DYRK4: variants seen among roughly 807,000 people sequenced by gnomAD.
The protein encoded by DYRK4 is dual specificity tyrosine phosphorylation regulated kinase 4, also known as dual specificity tyrosine-phosphorylation-regulated kinase 4.
In DYRK4, 64 loss-of-function variants were observed where a neutral mutation model predicts 68.3. The observed-to-expected ratio is 0.94, with a 90% CI of 0.77 to 1.15. The LOEUF is 1.15. Ranked by LOEUF, DYRK4 falls within the 50% of genes most tolerant of loss-of-function variation. The pLI, the probability that DYRK4 is intolerant of heterozygous loss-of-function variation, is 0.00. For missense variants in DYRK4, 740 were observed against 764.7 expected (o/e 0.97, Z 0.38); for synonymous variants, 274 against 289.9 (o/e 0.95, Z 0.56).
intron 2 of DYRK4, among the ~76,000 whole-genome samples, chr12:4,578,895 G>A (rs1037927622): frequency 3.3e-5 from 5 of 152,148 alleles, no homozygotes; most frequent in African/African-American, 7.2e-5. Flanking sequence ...CATCCCATAC[G>A]TGATTATTGA....
At position 4,582,700 on chromosome 12, in the gene DYRK4, C is replaced by T. The variant is rs190995342; in HGVS notation, c.133-6237C>T. Among the ~76,000 whole-genome samples the T allele has an allele frequency of 1.2e-3, 181 of 152,086 alleles. 1 individual carries two copies. Among genetic ancestry groups the T allele is most frequent in the African/African-American group, 3.9e-3 (162 of 41,486 alleles). ...TGGGGACATGGACTGGATGACATGG[C>T]GGTGGGGTGGGTGATGGGAGAACAT... On this transcript the variant is annotated intron_variant, in intron 2 of 14. Transcript: ENST00000543431.
chr12:4,568,219 A>G (rs973970066), intron 2 of DYRK4, among the ~76,000 whole-genome samples, 171 bp downstream of exon 2: 1 of 152,182 alleles, frequency 6.6e-6, no homozygotes, highest in Non-Finnish European at 1.5e-5. Context: ...GTGTGGAGGG[A>G]AAATCAGCAG....
intron 2 of DYRK4, among the ~76,000 whole-genome samples, chr12:4,575,298 A>ATTTTGTGTGTGTGTGT (rs562026104): frequency 6.2e-5 from 9 of 144,090 alleles, no homozygotes; most frequent in South Asian, 2.2e-4. Context: ...ACAATAACTT[A>ATTTTGTGTGTGTGTGT]CTGTGTGTGT....
intron 1 of DYRK4, among the ~76,000 whole-genome samples, chr12:4,567,607 C>A (rs1026319190): frequency 2.6e-5 from 4 of 152,186 alleles, no homozygotes; most frequent in African/African-American, 7.2e-5. Flanking sequence ...ATTAAACTAT[C>A]TAAGTAGCCC....
chr12:4,573,829 T>C (rs1338041206), intron 2 of DYRK4, among the ~76,000 whole-genome samples: 1 of 152,238 alleles, frequency 6.6e-6, no homozygotes, highest in Non-Finnish European at 1.5e-5. Context: ...ATAATTTTTA[T>C]TATTGTGTTG....
chr12:4,596,370 C>T, intron 7 of DYRK4, 85 bp downstream of exon 7: 1 of 1,584,892 alleles, frequency 6.3e-7, no homozygotes. Context: ...CTGACTGTGC[C>T]TCTCCCTCCA....
At position 4,609,923 on chromosome 12, in the gene DYRK4, CA is replaced by C. The variant is rs1273289080; in HGVS notation, c.1361-231del. ...GAGGCAGTGGGAAGGAAGTTCAGAA[CA>C]TACTGAATAGTAGGAAAAAATCAAT... On this transcript the variant is annotated intron_variant, in intron 12 of 14. Transcript: ENST00000543431. The C allele has an allele frequency of 1.3e-5, 4 of 298,502 alleles. No individual in the cohort carries two copies. In the South Asian group the frequency reaches 5.7e-4, roughly 43 times the overall value. 18.5% of individuals were successfully genotyped at this position (298,502 alleles called of 1,614,324 possible).
chr12:4,603,048 A>T (rs1974602), intron 10 of DYRK4: 564,747 of 1,046,870 alleles, frequency 0.54, 157,074 homozygotes, highest in African/African-American at 0.8. Flanking sequence ...ATAATGTATC[A>T]CCTTACTTCC....
At chr12:4,570,750 A>G (rs1944722883) in intron 2 of DYRK4, among the ~76,000 whole-genome samples, 1 of 152,246 alleles carries the variant, frequency 6.6e-6, no homozygotes, top group Non-Finnish European at 1.5e-5. Flanking sequence ...AAGTATTCAC[A>G]TATTTTAATT....
At chr12:4,570,825 A>G (rs988490022) in intron 2 of DYRK4, among the ~76,000 whole-genome samples, 1 of 152,224 alleles carries the variant, frequency 6.6e-6, no homozygotes, top group East Asian at 1.9e-4. Flanking sequence ...CTTTAAGACA[A>G]TAGTGTGGCG....
intron 10 of DYRK4, chr12:4,603,537 G>T (rs1945105252): frequency 9.5e-6 from 2 of 209,860 alleles, no homozygotes; most frequent in Non-Finnish European, 1.9e-5. Flanking sequence ...GGCCAGGGGA[G>T]TTCTCCTCTC....
chr12:4,595,828 A>C (rs1287461529), intron 6 of DYRK4, among the ~76,000 whole-genome samples: 1 of 152,148 alleles, frequency 6.6e-6, no homozygotes, highest in Non-Finnish European at 1.5e-5. Context: ...CATGCAGAAA[A>C]CTAGAGGACT....
chr12:4,577,257 A>G (rs1944798895), intron 2 of DYRK4, among the ~76,000 whole-genome samples: 1 of 152,070 alleles, frequency 6.6e-6, no homozygotes, highest in Non-Finnish European at 1.5e-5. Context: ...TTTGTTTTTA[A>G]TAAGTCTTGC....
chr12:4,610,933 G>T (rs559518030), intron 13 of DYRK4, among the ~76,000 whole-genome samples: 1 of 152,100 alleles, frequency 6.6e-6, no homozygotes, highest in Non-Finnish European at 1.5e-5. Flanking sequence ...ATTATTTTAC[G>T]ACTATTAAAG....
chr12:4,570,293 C>T (rs970722310), intron 2 of DYRK4, among the ~76,000 whole-genome samples: 5 of 151,918 alleles, frequency 3.3e-5, no homozygotes, highest in African/African-American at 7.3e-5. Context: ...TTGATTATGT[C>T]GTATTTTATA....
chr12:4,576,439 A>G (rs1354987902), intron 2 of DYRK4, among the ~76,000 whole-genome samples: 1 of 152,156 alleles, frequency 6.6e-6, no homozygotes, highest in Non-Finnish European at 1.5e-5. Context: ...GTTGTTTCCA[A>G]TTTTTTAGCA....
intron 9 of DYRK4, 111 bp downstream of exon 9, chr12:4,599,277 T>G (rs1252555511): frequency 6.0e-4 from 667 of 1,102,598 alleles, no homozygotes; most frequent in Middle Eastern, 1.3e-3. Context: ...TGACTTTTTT[T>G]TTTTTTTTTT....
intron 10 of DYRK4, chr12:4,602,289 G>T: frequency 3.0e-6 from 3 of 1,004,628 alleles, no homozygotes; most frequent in South Asian, 1.3e-5. Context: ...TAAATACTAT[G>T]CCATTCTCCC....
At chr12:4,573,454 A>G in intron 2 of DYRK4, 2 of 1,242,144 alleles carry the variant, frequency 1.6e-6, no homozygotes, top group Non-Finnish European at 2.1e-6. Context: ...GGTTTCTGTC[A>G]AAGGAATGTG....
Sources: allele counts gnomAD v4.1 joint callset (sites outside exome capture counted in the v4.1 genomes callset), GRCh38; gene constraint gnomAD v4.1.1; transcripts MANE v1.5; gene names NCBI Gene and HGNC (gene_info 2026-07-23, HGNC 2026-07-21).